ARHGEF7: variants seen among roughly 807,000 people sequenced by gnomAD.
ARHGEF7 encodes Rho guanine nucleotide exchange factor 7.
A neutral mutation model predicts 109.8 loss-of-function variants in ARHGEF7; 33 were observed. The ratio of observed to expected loss-of-function variants is 0.30; its 90% confidence interval spans 0.23 to 0.40. The LOEUF (loss-of-function observed/expected upper bound fraction) is 0.40, where lower values mean the gene tolerates loss of function less well. Ranked by LOEUF, ARHGEF7 falls within the 10% of genes least tolerant of loss-of-function variation. The probability of loss-of-function intolerance (pLI) is 1.00; values close to 1 mark genes in which losing one functional copy is unlikely to be tolerated. For missense variants in ARHGEF7, 938 were observed against 1,098.5 expected, an observed-to-expected ratio of 0.85 and a Z score of 2.07; for synonymous variants, 458 against 424.6, an observed-to-expected ratio of 1.08 and a Z score of -0.97.
intron 2 of ARHGEF7, among the ~76,000 whole-genome samples, chr13:111,187,486 G>T (rs942651): frequency 6.6e-6 from 1 of 152,176 alleles, no homozygotes; most frequent in Admixed American, 6.5e-5. Flanking sequence ...TTTGTTGTGC[G>T]AACCAATAAT....
chr13:111,115,727 G>A (rs780999791), intron 1 of ARHGEF7, 36 bp downstream of exon 1: 8 of 1,113,784 alleles, frequency 7.2e-6, no homozygotes, highest in Admixed American at 5.0e-5. Flanking sequence ...CGCGCCCCCC[G>A]GTCCGGCCCG....
intron 2 of ARHGEF7, among the ~76,000 whole-genome samples, chr13:111,198,219 A>G (rs2080787932): frequency 6.6e-6 from 1 of 152,172 alleles, no homozygotes; most frequent in Non-Finnish European, 1.5e-5. Context: ...ACTGGCCGAC[A>G]GGTGCCTGGT....
intron 6 of ARHGEF7, among the ~76,000 whole-genome samples, chr13:111,242,956 A>G (rs183872884): frequency 2.5e-4 from 38 of 152,290 alleles, no homozygotes; most frequent in African/African-American, 8.4e-4. Context: ...TCAGTTTTGC[A>G]CTTTATATTT....
chr13:111,229,317 G>T (rs562430468), intron 5 of ARHGEF7, among the ~76,000 whole-genome samples: 1 of 151,982 alleles, frequency 6.6e-6, no homozygotes, highest in Non-Finnish European at 1.5e-5. Flanking sequence ...TCTACTTTGC[G>T]TATCTGTTTG....
At position 111,191,884 on chromosome 13, in the gene ARHGEF7, C is replaced by T. The variant is rs554504812; in HGVS notation, c.253-13405C>T. Among the ~76,000 whole-genome samples, 21 of 152,110 alleles carry T rather than the reference C, an allele frequency of 1.4e-4. 1 individual carries two copies. The highest frequency in any genetic ancestry group is 2.1e-4 in the Non-Finnish European group (14 of 68,008). On this transcript the variant is annotated intron_variant, in intron 2 of 21. Transcript: ENST00000646102. ...AGAAGGTTGATAAGATTAGGATTTT[C>T]GTCCTAGCAGGAGCTGTAGTATATA...
intron 6 of ARHGEF7, chr13:111,241,407 C>A: frequency 6.7e-7 from 1 of 1,496,586 alleles, no homozygotes; most frequent in East Asian, 2.5e-5. Flanking sequence ...GAGTGGGCAC[C>A]CCAGCTGGAG....
chr13:111,125,011 C>T (rs777307056), intron 1 of ARHGEF7, among the ~76,000 whole-genome samples: 15 of 152,294 alleles, frequency 9.8e-5, no homozygotes, highest in Non-Finnish European at 1.9e-4. Context: ...CTGCCTACCT[C>T]GGCCTCCCAA....
At chr13:111,179,618 C>T (rs758019745) in intron 2 of ARHGEF7, among the ~76,000 whole-genome samples, 79 of 152,212 alleles carry the variant, frequency 5.2e-4, no homozygotes, top group Middle Eastern at 3.4e-3. Context: ...CTCAGAATGA[C>T]GTTTATGGCT....
At chr13:111,250,324 C>T (rs2089576012) in intron 8 of ARHGEF7, among the ~76,000 whole-genome samples, 4 of 152,204 alleles carry the variant, frequency 2.6e-5, no homozygotes, top group African/African-American at 9.7e-5. Context: ...GTGCATTCGG[C>T]GCTTGTGCAC....
At chr13:111,169,734 ATATT>A (rs1216886159) in intron 2 of ARHGEF7, among the ~76,000 whole-genome samples, 1 of 152,166 alleles carries the variant, frequency 6.6e-6, no homozygotes, top group African/African-American at 2.4e-5. Context: ...ACTGTAAAAT[ATATT>A]TATGCTGTTA....
intron 2 of ARHGEF7, among the ~76,000 whole-genome samples, chr13:111,194,179 C>T (rs576683911): frequency 7.9e-5 from 12 of 152,332 alleles, no homozygotes; most frequent in African/African-American, 2.9e-4. Flanking sequence ...GGTTGTCCCA[C>T]GAGTCTGAGT....
chr13:111,289,486 A>G (rs1054242877), intron 18 of ARHGEF7, among the ~76,000 whole-genome samples: 2 of 152,310 alleles, frequency 1.3e-5, no homozygotes, highest in African/African-American at 2.4e-5. Flanking sequence ...GGGGCCTCGG[A>G]CACCACAGGT....
intron 11 of ARHGEF7, 119 bp downstream of exon 11, chr13:111,274,909 A>G: frequency 1.6e-6 from 1 of 622,116 alleles, no homozygotes; most frequent in Middle Eastern, 2.8e-4. Flanking sequence ...CATGAAAGAA[A>G]AACAGAGTCG....
Position 111,131,906 on chromosome 13 carries a change from G to C in ARHGEF7, c.165+16215G>C, listed in dbSNP as rs2074773714. Among the ~76,000 whole-genome samples the C allele has an allele frequency of 6.6e-6, 1 of 152,186 alleles. No homozygotes were observed. Among genetic ancestry groups the C allele is most frequent in the Non-Finnish European group, 1.5e-5 (1 of 68,030 alleles). On this transcript the variant is annotated intron_variant, in intron 1 of 21. Coordinates refer to ENST00000646102, the MANE Select transcript of ARHGEF7 (RefSeq NM_001354046.2). The surrounding 1 kb of genome is among the most constrained non-coding windows in gnomAD (Gnocchi z 4.4). ...GGAGGGAGCCTGGCAGTCGCAGAGG[G>C]GAGTGGAAATGTTGGAATAGAGTTG...
At chr13:111,280,251 G>GT (rs981793411) in intron 13 of ARHGEF7, 21 bp from the exon 14 acceptor site, 6 of 1,453,830 alleles carry the variant, frequency 4.1e-6, no homozygotes, top group Non-Finnish European at 4.6e-6. Flanking sequence ...TTTTTTTTTT[G>GT]TGGGGGGGGG....
In ARHGEF7 at chr13:111,158,128, A is replaced by C. The variant is rs550417798; in HGVS notation, c.252+4137A>C. Among the ~76,000 whole-genome samples the C allele has an allele frequency of 4.6e-5, 7 of 152,354 alleles. No homozygotes were observed. In the East Asian group the frequency reaches 7.7e-4, roughly 17 times the overall value. ...ATAATAAAGCTATGGATTTTAACTT[A>C]GTTCTGTTTGAAAGAAAGATGTCTA... On this transcript the variant is annotated intron_variant, in intron 2 of 21. Coordinates refer to ENST00000646102, the MANE Select transcript of ARHGEF7 (RefSeq NM_001354046.2).
At chr13:111,134,788 T>G (rs1446381935) in intron 1 of ARHGEF7, among the ~76,000 whole-genome samples, 1 of 152,116 alleles carries the variant, frequency 6.6e-6, no homozygotes, top group Non-Finnish European at 1.5e-5. Flanking sequence ...GCAGAAGCTC[T>G]TTAGTTTAAT....
chr13:111,173,990 G>A (rs2077855087), intron 2 of ARHGEF7, among the ~76,000 whole-genome samples: 2 of 152,152 alleles, frequency 1.3e-5, no homozygotes, highest in Admixed American at 1.3e-4. Flanking sequence ...TGTGATCTCC[G>A]ATTGGTATTA....
chr13:111,276,957 A>AGCAAAT (rs1310687770), intron 12 of ARHGEF7, among the ~76,000 whole-genome samples: 7 of 152,112 alleles, frequency 4.6e-5, no homozygotes, highest in African/African-American at 1.7e-4. Flanking sequence ...ATCTTACTGA[A>AGCAAAT]GCAAATGATT....
Sources: gnomAD v4.1 joint callset for allele counts (sites outside exome capture counted in the v4.1 genomes callset) on GRCh38, gnomAD v4.1.1 for gene constraint, Gnocchi (gnomAD v3.1) non-coding constraint, MANE v1.5 for transcripts, NCBI Gene and HGNC (gene_info 2026-07-23, HGNC 2026-07-21) for gene names.